Variants in XKR5 observed in about 807,000 individuals in gnomAD.
The protein encoded by XKR5 is XK related 5.
A neutral mutation model predicts 40.8 loss-of-function variants in XKR5; 46 were observed. The ratio of observed to expected loss-of-function variants is 1.13; its 90% CI spans 0.89 to 1.44. The LOEUF (loss-of-function observed/expected upper bound fraction) is 1.44, where lower values mean the gene tolerates loss of function less well. Among genes scored for constraint, XKR5 ranks in the 40% most tolerant of loss-of-function variants. The pLI, the probability that XKR5 is intolerant of heterozygous loss-of-function variation, is 0.00. For synonymous variants in XKR5, 466 were observed against 356.1 expected, an observed-to-expected ratio of 1.31 and a Z score of -3.48; for missense variants, 1,169 against 844.7, an observed-to-expected ratio of 1.38 and a Z score of -4.76.
rs771566389 is a variant in XKR5 at position 6,825,277 on chromosome 8, C to T, written c.315G>A (p.Gln105=). 1.2e-6 allele frequency: 2 copies of T among 1,610,680 alleles called. No individual in the cohort carries two copies. The highest frequency in any genetic ancestry group is 1.7e-6 in the Non-Finnish European group (2 of 1,178,878). ...GTCGAAGGGCCGACAGGTCGGCCTC[C>T]TGCAGCTGCAGCCAGCCTCGGTGGG... ...EAPHRGWLQL[Q]EADLSALRLL... Residue 105 remains glutamine (Q), a synonymous_variant, in exon 3 of 7, where the codon CAG becomes CAA. Coordinates refer to ENST00000618742, the MANE Select transcript of XKR5 (RefSeq NM_207411.5).
intron 5 of XKR5, among the ~76,000 whole-genome samples, chr8:6,816,450 C>G (rs71525770): frequency 0.12 from 17,644 of 151,898 alleles, 1,626 homozygotes; most frequent in East Asian, 0.42. Context: ...GACAAAGGAG[C>G]CTGGCCCCGT....
rs199564753 is a variant in XKR5 at position 6,811,250 on chromosome 8, G to A, written c.2009C>T (p.Thr670Met). Residue 670 changes from threonine to methionine, a missense_variant, in exon 7 of 7, where the codon ACG becomes ATG. By Grantham distance (81) the Thr-to-Met change is moderately conservative. Coordinates refer to ENST00000618742, the MANE Select transcript of XKR5 (RefSeq NM_207411.5). The stretch of plus-strand genomic sequence containing the variant: ...CATCTGTTCCCTGCAGCTGCAGTCC[G>A]TTTGGATAGACTCAGACTTAGGGGT... Reference protein sequence around the residue: ...TSTPKSESIQTDCSCREQMKQ... With the variant: ...TSTPKSESIQMDCSCREQMKQ... The A allele has an allele frequency of 6.7e-4, 1,030 of 1,537,290 alleles. 4 individuals carry two copies. The highest frequency in any genetic ancestry group is 8.1e-4 in the Non-Finnish European group (928 of 1,146,928).
chr8:6,824,824 G>T (rs1804387543), intron 3 of XKR5, among the ~76,000 whole-genome samples: 1 of 152,170 alleles, frequency 6.6e-6, no homozygotes, highest in Non-Finnish European at 1.5e-5. Flanking sequence ...GCCCGGCCAA[G>T]AATTATTCTA....
At chr8:6,818,465 A>C (rs1804068175) in intron 5 of XKR5, among the ~76,000 whole-genome samples, 1 of 152,216 alleles carries the variant, frequency 6.6e-6, no homozygotes, top group African/African-American at 2.4e-5. Context: ...GTCTAACTCC[A>C]TTTTCAGCAC....
At chr8:6,816,228 AC>A (rs1395589772) in intron 5 of XKR5, among the ~76,000 whole-genome samples, 1 of 152,022 alleles carries the variant, frequency 6.6e-6, no homozygotes, top group Non-Finnish European at 1.5e-5. Flanking sequence ...CTGAGAGGGG[AC>A]TTTTATTTTC....
intron 6 of XKR5, among the ~76,000 whole-genome samples, chr8:6,812,751 AC>A (rs1803795029): frequency 6.6e-6 from 1 of 152,206 alleles, no homozygotes; most frequent in African/African-American, 2.4e-5. Context: ...GACTGTCAAT[AC>A]AGTGGTTGAT....
intron 1 of XKR5, among the ~76,000 whole-genome samples, chr8:6,834,911 A>G (rs1254164216): frequency 2.0e-5 from 3 of 152,072 alleles, no homozygotes; most frequent in African/African-American, 7.2e-5. Context: ...GCCGTCCTAC[A>G]GGGCCGCGTG....
rs1434712086 is a variant in XKR5 at position 6,811,308 on chromosome 8, G to T, written c.1951C>A (p.Leu651Met). The T allele has an allele frequency of 8.5e-6, 13 of 1,537,322 alleles. No homozygotes were observed. The East Asian group carries it at 3.2e-4, about 38-fold the overall frequency. ...AVGVWVSLPQ[L>M]RTAHEPCLTS... Reference sequence around the variant, plus strand: ...AGGCAGGGCTCATGGGCAGTCCTCAGCTGTGGCAATGACACCCACACACCA... The same window carrying T: ...AGGCAGGGCTCATGGGCAGTCCTCATCTGTGGCAATGACACCCACACACCA... The change falls in exon 7 of 7, where the codon CTG becomes ATG. Residue 651 changes from leucine to methionine, a missense_variant. Coordinates refer to ENST00000618742, the MANE Select transcript of XKR5 (RefSeq NM_207411.5).
At chr8:6,817,884 C>G (rs1804034831) in intron 5 of XKR5, among the ~76,000 whole-genome samples, 1 of 152,164 alleles carries the variant, frequency 6.6e-6, no homozygotes, top group Admixed American at 6.5e-5. Context: ...AAATTTGTTT[C>G]TGCTCCCAGC....
intron 5 of XKR5, among the ~76,000 whole-genome samples, chr8:6,818,119 T>C (rs1317065998): frequency 6.6e-6 from 1 of 152,262 alleles, no homozygotes; most frequent in East Asian, 1.9e-4. Flanking sequence ...CAGTGCAATC[T>C]GTTTTCATTG....
At chr8:6,827,691 C>A (rs748244025) in intron 2 of XKR5, among the ~76,000 whole-genome samples, 1 of 152,146 alleles carries the variant, frequency 6.6e-6, no homozygotes, top group Non-Finnish European at 1.5e-5. Flanking sequence ...TCATTTGTTC[C>A]TGACATGGGG....
intron 5 of XKR5, among the ~76,000 whole-genome samples, chr8:6,820,723 G>T (rs1318432902): frequency 1.3e-5 from 2 of 152,200 alleles, no homozygotes; most frequent in Admixed American, 6.5e-5. Flanking sequence ...AGGTTGGTGA[G>T]GCTCAGTAAT....
chr8:6,818,172 G>A (rs1190157122), intron 5 of XKR5, among the ~76,000 whole-genome samples: 1 of 152,160 alleles, frequency 6.6e-6, no homozygotes, highest in Admixed American at 6.5e-5. Flanking sequence ...GACGCTGTGC[G>A]CACTCACTTT....
intron 5 of XKR5, among the ~76,000 whole-genome samples, chr8:6,818,738 C>A (rs1034743122): frequency 6.6e-6 from 1 of 152,190 alleles, no homozygotes. Flanking sequence ...TTTATAAAAG[C>A]TCCCCTGAGT....
rs775443289 is a variant in XKR5 at position 6,832,730 on chromosome 8, C to G, written c.229G>C (p.Gly77Arg). 4 of 1,612,912 alleles carry G rather than the reference C, an allele frequency of 2.5e-6. No homozygotes were observed. The highest frequency in any genetic ancestry group is 1.3e-5 in the African/African-American group (1 of 74,890). Residue 77 changes from glycine (G) to arginine (R), a missense_variant, in exon 2 of 7, where the codon GGT becomes CGT. Coordinates refer to ENST00000618742, the MANE Select transcript of XKR5 (RefSeq NM_207411.5). ...SLMMLHLLQL[G>R]VWKRHWDAAL... is the part of the protein sequence containing the mutation. ...AGCTGTTCTTACCGCTTCCAAACAC[C>G]AAGCTGTAGGAGGTGCAGCATCATC...
At chr8:6,828,868 C>G (rs1214504071) in intron 2 of XKR5, among the ~76,000 whole-genome samples, 1 of 152,190 alleles carries the variant, frequency 6.6e-6, no homozygotes, top group Non-Finnish European at 1.5e-5. Context: ...ATGGTCCAGC[C>G]CATTTATCTC....
Position 6,825,271 on chromosome 8 carries a change from G to A in XKR5, c.321C>T (p.Ala107=), listed in dbSNP as rs1377910939. ...PHRGWLQLQE[A]DLSALRLLEA... is the part of the protein sequence containing the mutation. ...CCAAGAGTCGAAGGGCCGACAGGTC[G>A]GCCTCCTGCAGCTGCAGCCAGCCTC... Residue 107 remains alanine (A), a synonymous_variant, in exon 3 of 7, where the codon GCC becomes GCT. Coordinates refer to ENST00000618742, the MANE Select transcript of XKR5 (RefSeq NM_207411.5). The A allele has an allele frequency of 6.8e-6, 11 of 1,611,340 alleles. No homozygotes were observed. The highest frequency in any genetic ancestry group is 1.1e-5 in the South Asian group (1 of 90,788).
intron 5 of XKR5, among the ~76,000 whole-genome samples, chr8:6,819,622 G>A (rs1433764597): frequency 6.6e-6 from 1 of 152,234 alleles, no homozygotes; most frequent in African/African-American, 2.4e-5. Context: ...TGGGCAGTGT[G>A]CATGGTGAAG....
intron 5 of XKR5, among the ~76,000 whole-genome samples, chr8:6,818,150 T>A (rs1246167185): frequency 6.6e-6 from 1 of 152,218 alleles, no homozygotes; most frequent in Non-Finnish European, 1.5e-5. Flanking sequence ...GCGCAGGGCT[T>A]TTTTTCCCTC....
Sources: gnomAD v4.1 joint callset for allele counts (sites outside exome capture counted in the v4.1 genomes callset) on GRCh38, gnomAD v4.1.1 for gene constraint, MANE v1.5 for transcripts, NCBI Gene and HGNC (gene_info 2026-07-23, HGNC 2026-07-21) for gene names.